Variants in SLC23A1 observed in about 807,000 individuals in gnomAD.
SLC23A1 encodes solute carrier family 23 member 1.
A neutral mutation model predicts 62.5 loss-of-function variants in SLC23A1; 31 were observed. The ratio of observed to expected loss-of-function variants is 0.50; its 90% CI spans 0.37 to 0.67. The LOEUF (loss-of-function observed/expected upper bound fraction) is 0.67. SLC23A1 is among the 30% of genes least tolerant of loss of function. The pLI is 0.00. For missense variants in SLC23A1, 640 were observed against 782.7 expected, an observed-to-expected ratio of 0.82 and a Z score of 2.18; for synonymous variants, 271 against 313.2, an observed-to-expected ratio of 0.87 and a Z score of 1.42.
chr5:139,368,883 T>C, intron 14 of SLC23A1: 1 of 1,035,834 alleles, frequency 9.7e-7, no homozygotes, highest in Admixed American at 1.9e-5. Context: ...AAAAGCTCTC[T>C]TGTCACTGTG....
At chr5:139,382,307 C>T (rs1309885291) in intron 2 of SLC23A1, 185 bp downstream of exon 2, 1 of 600,382 alleles carries the variant, frequency 1.7e-6, no homozygotes, top group Non-Finnish European at 3.0e-6. Flanking sequence ...GCAAGCGTCA[C>T]ACTCCCCCAG....
intron 14 of SLC23A1, 29 bp downstream of exon 14, chr5:139,371,958 C>G (rs1396661626): frequency 6.4e-7 from 1 of 1,569,002 alleles, no homozygotes; most frequent in East Asian, 2.2e-5. Flanking sequence ...TTATTCAACC[C>G]TCCCACAAAA....
In SLC23A1 at chr5:139,378,858, C is replaced by T. The variant is rs1758085785; in HGVS notation, c.1074-174G>A. ...TCCAGAGCTAGTCCTAGTGCCCTGG[C>T]ACTTACTCCTGTGGGTAATTCTGGC... is the stretch of plus-strand genomic sequence containing the variant. On this transcript the variant is annotated intron_variant, in intron 9 of 14. Coordinates refer to ENST00000348729, the MANE Select transcript of SLC23A1 (RefSeq NM_005847.5). The surrounding 1 kb of genome is among the most constrained non-coding windows in gnomAD (Gnocchi z 4.5). Among the ~76,000 whole-genome samples the T allele has an allele frequency of 6.6e-6, 1 of 152,206 alleles. No individual in the cohort carries two copies. The highest frequency in any genetic ancestry group is 1.5e-5 in the Non-Finnish European group (1 of 68,036).
intron 14 of SLC23A1, among the ~76,000 whole-genome samples, chr5:139,370,784 T>A (rs1313690601): frequency 2.6e-5 from 4 of 151,418 alleles, no homozygotes; most frequent in African/African-American, 9.7e-5. Flanking sequence ...GGGAAAAAAA[T>A]TTAAAAAAAG....
At chr5:139,375,829 C>G (rs1757919125) in intron 13 of SLC23A1, among the ~76,000 whole-genome samples, 1 of 57,536 alleles carries the variant, frequency 1.7e-5, no homozygotes, top group African/African-American at 4.8e-5. Context: ...GAGCAAGACT[C>G]CATCTCAAAA....
rs771560013 is a variant in SLC23A1 at position 139,379,160 on chromosome 5, G to T, written c.1073+47C>A. The T allele has an allele frequency of 1.9e-6, 3 of 1,598,762 alleles. No individual in the cohort carries two copies. In the South Asian group the frequency reaches 3.3e-5, roughly 18 times the overall value. On this transcript the variant is annotated intron_variant, in intron 9 of 14. Coordinates refer to ENST00000348729, the MANE Select transcript of SLC23A1 (RefSeq NM_005847.5). The surrounding 1 kb of genome is among the most constrained non-coding windows in gnomAD (Gnocchi z 4.7). ...CACCCCGTTCCTGTGTGTGCTTCCT[G>T]GGTGGCGCCTGAGGAGATCAGATAC... is the stretch of plus-strand genomic sequence containing the variant.
chr5:139,379,953 C>T lies in SLC23A1; in HGVS notation c.768+3G>A. The T allele has an allele frequency of 1.2e-5, 20 of 1,614,052 alleles. No individual in the cohort carries two copies. Among genetic ancestry groups the T allele is most frequent in the Non-Finnish European group, 1.7e-5 (20 of 1,179,992 alleles). ...CAGCCCCAGCCGCCTGCCAGGTCCT[C>T]ACAGGAAACATTTTGAAGATCTGGA... is the stretch of plus-strand genomic sequence containing the variant. On this transcript the variant is annotated splice_donor_region_variant and intron_variant, in intron 7 of 14. Coordinates refer to ENST00000348729, the MANE Select transcript of SLC23A1 (RefSeq NM_005847.5). The surrounding 1 kb of genome is among the most constrained non-coding windows in gnomAD (Gnocchi z 4.7).
intron 13 of SLC23A1, among the ~76,000 whole-genome samples, chr5:139,376,541 C>G: frequency 6.6e-6 from 1 of 152,292 alleles, no homozygotes. Context: ...CTCTGCCTTA[C>G]CCATAGTATA....
At chr5:139,373,633 A>C (rs934581329) in intron 13 of SLC23A1, among the ~76,000 whole-genome samples, 1 of 152,194 alleles carries the variant, frequency 6.6e-6, no homozygotes, top group Non-Finnish European at 1.5e-5. Flanking sequence ...GGCTGAGAAC[A>C]AACCCATGAG....
rs1757344380 is a variant in SLC23A1 at position 139,367,648 on chromosome 5, A to G, written c.*20-17T>C. 1 of 152,168 alleles carries G rather than the reference A, an allele frequency of 6.6e-6. No individual in the cohort carries two copies. Among genetic ancestry groups the G allele is most frequent in the African/African-American group, 2.4e-5 (1 of 41,452 alleles). 9.4% of individuals were successfully genotyped at this position (152,168 alleles called of 1,614,324 possible). A position where few individuals can be genotyped will look rare whatever the true frequency, so the allele number is the denominator to read the frequency against. ...CCATGCTTCCTGTGGGAATTAGAAG[A>G]TGGCAATTGTAGAAAAACAACTCCA... is the stretch of plus-strand genomic sequence containing the variant. On this transcript the variant is annotated splice_polypyrimidine_tract_variant and intron_variant, in intron 14 of 14. Coordinates refer to ENST00000348729, the MANE Select transcript of SLC23A1 (RefSeq NM_005847.5).
In SLC23A1 at chr5:139,380,557, A is replaced by C. The variant is rs369457866; in HGVS notation, c.465+8T>G. ...CCCGGCCTCTTCTATGCTTACATGC[A>C]AACCCACCTCCCGTATCCGTGGGTG... On this transcript the variant is annotated splice_region_variant and intron_variant, in intron 5 of 14. Transcript: ENST00000348729. The C allele has an allele frequency of 1.7e-4, 274 of 1,613,598 alleles. No homozygotes were observed. Among genetic ancestry groups the C allele is most frequent in the Admixed American group, 2.2e-4 (13 of 60,002 alleles).
At chr5:139,384,860 G>C, upstream of SLC23A1, 1 of 536,838 alleles carries the variant, frequency 1.9e-6, no homozygotes, top group Non-Finnish European at 2.4e-6. Flanking sequence ...CTTGGGCCCT[G>C]ACTTTCCTCC....
intron 13 of SLC23A1, among the ~76,000 whole-genome samples, chr5:139,373,630 A>G (rs1757797024): frequency 6.6e-6 from 1 of 152,212 alleles, no homozygotes; most frequent in Admixed American, 6.5e-5. Context: ...CCAGGCTGAG[A>G]ACAAACCCAT....
chr5:139,382,927 G>A (rs143386523), intron 1 of SLC23A1, among the ~76,000 whole-genome samples: 47 of 152,308 alleles, frequency 3.1e-4, no homozygotes, highest in Non-Finnish European at 5.3e-4. Context: ...TCAAGACTGT[G>A]GACAAGTCCA....
chr5:139,376,239 G>A lies in SLC23A1; in HGVS notation c.1549+1163C>T, dbSNP rs527692754. On this transcript the variant is annotated intron_variant, in intron 13 of 14. Coordinates refer to ENST00000348729, the MANE Select transcript of SLC23A1 (RefSeq NM_005847.5). ...GGCTGGAGTGCAATGGCACGATCTC[G>A]GCCCACCGCAACCTTCGCCTCCCAG... 4.1e-5 allele frequency among the ~76,000 whole-genome samples: 6 copies of A among 145,780 alleles called. No homozygotes were observed. In the South Asian group the frequency reaches 6.5e-4, roughly 16 times the overall value.
At chr5:139,385,617 C>T (rs1208253254), upstream of SLC23A1, among the ~76,000 whole-genome samples, 2 of 152,152 alleles carry the variant, frequency 1.3e-5, no homozygotes, top group Non-Finnish European at 2.9e-5. Flanking sequence ...TCACTGAAAC[C>T]ACCTTTGCAA....
rs1165441719 is a variant in SLC23A1 at position 139,379,373 on chromosome 5, A to G, written c.926-19T>C. On this transcript the variant is annotated intron_variant, in intron 8 of 14. Transcript: ENST00000348729. This position sits in a 1 kb window ranked among gnomAD's most constrained non-coding sequence, Gnocchi z 4.7. ...CACTGACCTGTGCTCGGAGGGAGAC[A>G]GGATGGTGGCTACAGTGAGGAGACT... 6.2e-7 allele frequency: 1 copy of G among 1,613,258 alleles called. No homozygotes were observed. The highest frequency in any genetic ancestry group is 1.7e-5 in the Admixed American group (1 of 59,986).
chr5:139,383,225 CG>C lies in SLC23A1; in HGVS notation c.28del (p.Arg10GlyfsTer44). MRAQEDLEGRTQHETTRDPS... is the reference protein window; with the variant it reads MRAQEDLEGXTQHETTRDPS... ...ACCCCCAGCCCCCAGCACCTGTGTC[CG>C]GCCCTCGAGGTCCTCCTGGGCCCTC... On this transcript the variant is annotated frameshift_variant, in exon 1 of 15. Coordinates refer to ENST00000348729, the MANE Select transcript of SLC23A1 (RefSeq NM_005847.5). LOFTEE classifies it high-confidence loss of function. 6.7e-7 allele frequency: 1 copy of C among 1,481,802 alleles called. No individual in the cohort carries two copies. Among genetic ancestry groups the C allele is most frequent in the African/African-American group, 1.5e-5 (1 of 67,402 alleles). 91.8% of individuals were successfully genotyped at this position (1,481,802 alleles called of 1,614,324 possible).
intron 5 of SLC23A1, 54 bp downstream of exon 5, chr5:139,380,511 C>T (rs1387637807): frequency 6.3e-7 from 1 of 1,594,810 alleles, no homozygotes; most frequent in Admixed American, 1.7e-5. Flanking sequence ...ACCCTCACTC[C>T]CATATAGCCC....
Sources: allele counts gnomAD v4.1 joint callset (sites outside exome capture counted in the v4.1 genomes callset), GRCh38; gene constraint gnomAD v4.1.1; non-coding constraint Gnocchi (gnomAD v3.1); transcripts MANE v1.5; gene names NCBI Gene and HGNC (gene_info 2026-07-23, HGNC 2026-07-21).